ZNF682: variants seen among roughly 807,000 people sequenced by gnomAD.
ZNF682 encodes zinc finger protein 682.
Under a neutral mutation model 36.5 loss-of-function variants are expected in ZNF682, and 29 were observed. The observed-to-expected ratio is 0.80, with a 90% CI of 0.59 to 1.08. The LOEUF (loss-of-function observed/expected upper bound fraction) is 1.08, where lower values mean the gene tolerates loss of function less well. Ranked by LOEUF, ZNF682 falls within the 50% of genes least tolerant of loss-of-function variation. The pLI, the probability that ZNF682 is intolerant of heterozygous loss-of-function variation, is 0.00. For synonymous variants in ZNF682, 180 were observed against 197.0 expected (o/e 0.91, Z 0.72); for missense variants, 561 against 579.7 (o/e 0.97, Z 0.33).
chr19:20,021,618 T>C (rs1225561922), intron 3 of ZNF682, among the ~76,000 whole-genome samples: 1 of 152,220 alleles, frequency 6.6e-6, no homozygotes, highest in Non-Finnish European at 1.5e-5. Context: ...AATAAATAGT[T>C]ATATACTTTT....
chr19:19,999,782 G>A (rs28718199), downstream of ZNF682, among the ~76,000 whole-genome samples: 11,871 of 152,210 alleles, frequency 0.078, 1,321 homozygotes, highest in African/African-American at 0.25. Flanking sequence ...CAACCCGCCT[G>A]CCTCGGCCTC....
intron 1 of ZNF682, among the ~76,000 whole-genome samples, chr19:20,033,081 C>T (rs929491515): frequency 3.3e-5 from 5 of 152,212 alleles, no homozygotes; most frequent in East Asian, 3.9e-4. Context: ...GCCTGGCCAA[C>T]GTGGTGAAAC....
At chr19:20,036,814 GAAAAAAAAAA>G (rs869238931) in intron 1 of ZNF682, among the ~76,000 whole-genome samples, 2 of 19,900 alleles carry the variant, frequency 1.0e-4, no homozygotes, top group African/African-American at 2.9e-4. Context: ...AAAAAAAAAA[GAAAAAAAAAA>G]AAAAAAAAAA....
At chr19:20,014,614 CAAA>C (rs55756913) in intron 3 of ZNF682, among the ~76,000 whole-genome samples, 11,351 of 140,232 alleles carry the variant, frequency 0.081, 648 homozygotes, top group East Asian at 0.21. Flanking sequence ...TACTAGAATA[CAAA>C]AAAAAAAAAA....
chr19:20,033,272 C>T (rs950869867), intron 1 of ZNF682, among the ~76,000 whole-genome samples: 3 of 151,456 alleles, frequency 2.0e-5, no homozygotes, highest in African/African-American at 7.3e-5. Context: ...GACTCCGTCT[C>T]AAAAAAACAA....
chr19:20,029,296 T>C (rs2088459519), intron 1 of ZNF682, among the ~76,000 whole-genome samples: 1 of 149,314 alleles, frequency 6.7e-6, no homozygotes, highest in Non-Finnish European at 1.5e-5. Context: ...TTTGTTTTCT[T>C]TTTTTTTTAA....
chr19:20,000,289 A>C (rs759761722), downstream of ZNF682, among the ~76,000 whole-genome samples: 9 of 152,190 alleles, frequency 5.9e-5, no homozygotes, highest in Non-Finnish European at 1.2e-4. Flanking sequence ...CTTTGGTGAG[A>C]GATGCTCAAG....
At position 20,006,942 on chromosome 19, in the gene ZNF682, C is replaced by T. The variant is rs780561502; in HGVS notation, c.560G>A (p.Gly187Asp). Residue 187 changes from glycine to aspartate, a missense_variant, in exon 4 of 4, where the codon GGC becomes GAC. By Grantham distance (94) the Gly-to-Asp change is moderately conservative. Transcript: ENST00000397165. ...GTGAATTATCTTATGATAAGAAAGG[C>T]CTGAGTGAGATTTAAAGACTTTGCC... The part of the protein sequence containing the change: ...QCGKVFKSHS[G>D]LSYHKIIHTE... 5 of 1,613,134 alleles carry T rather than the reference C, an allele frequency of 3.1e-6. No individual in the cohort carries two copies. The highest frequency in any genetic ancestry group is 2.2e-5 in the East Asian group (1 of 44,886).
intron 2 of ZNF682, 37 bp downstream of exon 2, chr19:20,024,213 G>T (rs528740456): frequency 3.1e-6 from 5 of 1,610,326 alleles, no homozygotes; most frequent in South Asian, 2.2e-5. Context: ...AAAATCTTTT[G>T]TGTGAAATAG....
rs748857727 is a variant in ZNF682 at position 20,039,369 on chromosome 19, G to C, written c.-24C>G. 1 of 1,611,052 alleles carries C rather than the reference G, an allele frequency of 6.2e-7. No individual in the cohort carries two copies. On this transcript the variant is annotated 5_prime_UTR_variant, in exon 1 of 4. Transcript: ENST00000397165. ...ATTTTTCGGCTTCCGGGATGTCGTG[G>C]AGTCTTAGCTCTGGATCTCACAGCA...
chr19:20,024,160 C>T, intron 2 of ZNF682, 90 bp downstream of exon 2: 1 of 1,501,746 alleles, frequency 6.7e-7, no homozygotes. Flanking sequence ...CTCATTTATA[C>T]AAAGCAGAAA....
downstream of ZNF682, among the ~76,000 whole-genome samples, chr19:20,003,224 A>G (rs2088182634): frequency 6.8e-6 from 1 of 146,966 alleles, no homozygotes; most frequent in Non-Finnish European, 1.5e-5. Flanking sequence ...AAAAAAATTA[A>G]AAGAGCAACA....
intron 1 of ZNF682, among the ~76,000 whole-genome samples, chr19:20,031,669 A>G (rs1181329605): frequency 2.0e-5 from 3 of 152,164 alleles, no homozygotes; most frequent in East Asian, 3.9e-4. Context: ...TCGGCCGGGC[A>G]CGGTGGCTCA....
In ZNF682 at chr19:20,039,325, G is replaced by C; in HGVS notation, c.3+18C>G. 3.1e-6 allele frequency: 5 copies of C among 1,612,082 alleles called. No homozygotes were observed. The African/African-American group carries it at 4.0e-5, about 13-fold the overall frequency. On this transcript the variant is annotated intron_variant, in intron 1 of 3. Transcript: ENST00000397165. ...CAGCCCTGCCCCCACCTCGGGATGC[G>C]CGGCCTGGCACACTCACCATTTTTC...
At chr19:20,003,275 G>A (rs2088183302), downstream of ZNF682, among the ~76,000 whole-genome samples, 1 of 140,896 alleles carries the variant, frequency 7.1e-6, no homozygotes, top group Non-Finnish European at 1.5e-5. Context: ...GAAAAAAAAT[G>A]TACTAAATAA....
chr19:20,017,698 C>A (rs908296774), intron 3 of ZNF682, among the ~76,000 whole-genome samples: 3 of 152,050 alleles, frequency 2.0e-5, no homozygotes, highest in Admixed American at 6.6e-5. Context: ...ACATTACAGA[C>A]CAATTAGACC....
At position 20,039,449 on chromosome 19, in the gene ZNF682, A is replaced by T; in HGVS notation, c.-104T>A. On this transcript the variant is annotated 5_prime_UTR_variant, in exon 1 of 4. Transcript: ENST00000397165. ...GACAGTCACCGGGAACTACTAGAGC[A>T]GAGGATACTAAGCAATGAAGATGGA... 6.7e-7 allele frequency: 1 copy of T among 1,492,804 alleles called. No individual in the cohort carries two copies. Among genetic ancestry groups the T allele is most frequent in the East Asian group, 2.3e-5 (1 of 44,058 alleles). The allele number at this position is 1,492,804 out of a possible 1,614,324, so 92.5% of individuals were successfully genotyped here.
At chr19:19,996,064 T>TC (rs2088127510), downstream of ZNF682, among the ~76,000 whole-genome samples, 1 of 152,158 alleles carries the variant, frequency 6.6e-6, no homozygotes, top group African/African-American at 2.4e-5. Context: ...AGACCTTGGT[T>TC]CATTGTATTG....
At chr19:20,039,269 C>G (rs1256260538) in intron 1 of ZNF682, 74 bp downstream of exon 1, 11 of 1,596,732 alleles carry the variant, frequency 6.9e-6, no homozygotes, top group Admixed American at 1.7e-5. Flanking sequence ...AGGCCCCAGT[C>G]CCGTCACTGC....
Sources: gnomAD v4.1 joint callset for allele counts (sites outside exome capture counted in the v4.1 genomes callset) on GRCh38, gnomAD v4.1.1 for gene constraint, MANE v1.5 for transcripts, NCBI Gene and HGNC (gene_info 2026-07-23, HGNC 2026-07-21) for gene names.